The following CELF2 variants were observed in gnomAD, a reference collection of about 807,000 sequenced individuals.
CELF2 encodes CUGBP Elav-like family member 2.
Under a neutral mutation model 62.6 loss-of-function variants are expected in CELF2, and 8 were observed. The ratio of observed to expected loss-of-function variants is 0.13; its 90% CI spans 0.07 to 0.23. The LOEUF is 0.23. Ranked by LOEUF, CELF2 falls within the 10% of genes least tolerant of loss-of-function variation. The probability of loss-of-function intolerance (pLI) is 1.00; values close to 1 mark genes in which losing one functional copy is unlikely to be tolerated. For synonymous variants in CELF2, 258 were observed against 250.0 expected, an observed-to-expected ratio of 1.03 and a Z score of -0.30; for missense variants, 333 against 671.0, an observed-to-expected ratio of 0.50 and a Z score of 5.56.
upstream of CELF2, among the ~76,000 whole-genome samples, chr10:11,003,403 C>T (rs2054717413): frequency 6.6e-6 from 1 of 152,174 alleles, no homozygotes; most frequent in Non-Finnish European, 1.5e-5. This position sits in a 1 kb window ranked among gnomAD's most constrained non-coding sequence, Gnocchi z 4.4. Flanking sequence ...CCATTAGAAA[C>T]TGCATGGAAA....
At chr10:11,266,004 A>T (rs920828901) in intron 5 of CELF2, among the ~76,000 whole-genome samples, 1 of 152,240 alleles carries the variant, frequency 6.6e-6, no homozygotes, top group African/African-American at 2.4e-5. Context: ...ATAGTTTGCA[A>T]CAGACTTGGT....
At position 11,207,280 on chromosome 10, in the gene CELF2, A is replaced by T. The variant is rs1268551113; in HGVS notation, c.272-10145A>T. ...AAGAAAGAAACTCCATTTTCCTCGC[A>T]GAAAACAGGGAGCTTGCTAGTCTTC... On this transcript the variant is annotated intron_variant, in intron 2 of 12. Coordinates refer to ENST00000633077, the MANE Select transcript of CELF2 (RefSeq NM_001326342.2). This position sits in a 1 kb window ranked among gnomAD's most constrained non-coding sequence, Gnocchi z 4.1. Among the ~76,000 whole-genome samples the T allele has an allele frequency of 6.6e-6, 1 of 152,220 alleles. No homozygotes were observed. Among genetic ancestry groups the T allele is most frequent in the Non-Finnish European group, 1.5e-5 (1 of 68,032 alleles).
intron 1 of CELF2, among the ~76,000 whole-genome samples, chr10:11,101,008 G>C (rs1005822543): frequency 6.6e-6 from 1 of 152,186 alleles, no homozygotes; most frequent in East Asian, 1.9e-4. Flanking sequence ...AGACTTGACT[G>C]TTTCTAAAAT....
intron 1 of CELF2, among the ~76,000 whole-genome samples, chr10:11,042,389 TTGAA>T (rs1226308797): frequency 6.6e-6 from 1 of 152,216 alleles, no homozygotes; most frequent in Non-Finnish European, 1.5e-5. Flanking sequence ...ATACAGATGA[TTGAA>T]CGGTCTCTCT....
chr10:10,759,173 G>A, the CELF2 span, among the ~76,000 whole-genome samples: 1 of 152,108 alleles, frequency 6.6e-6, no homozygotes, highest in Non-Finnish European at 1.5e-5. Flanking sequence ...GCATAAGACT[G>A]TATGAAAGGA....
chr10:10,835,602 C>T (rs2058224740), intron 1 of CELF2, among the ~76,000 whole-genome samples: 1 of 152,132 alleles, frequency 6.6e-6, no homozygotes, highest in Non-Finnish European at 1.5e-5. Context: ...AGACTGGTCT[C>T]AAACTCCTGA....
At chr10:11,254,748 G>A (rs2078176213) in intron 4 of CELF2, among the ~76,000 whole-genome samples, 1 of 152,180 alleles carries the variant, frequency 6.6e-6, no homozygotes, top group Non-Finnish European at 1.5e-5. Context: ...AGATTGTTCA[G>A]GGTAAGAAGA....
chr10:11,130,432 G>A (rs2059444182), intron 1 of CELF2, among the ~76,000 whole-genome samples: 1 of 152,184 alleles, frequency 6.6e-6, no homozygotes. Flanking sequence ...CAGGATGGAA[G>A]TTTGGTTTCC....
intron 2 of CELF2, among the ~76,000 whole-genome samples, chr10:11,215,284 A>G (rs2063026411): frequency 6.6e-6 from 1 of 152,170 alleles, no homozygotes; most frequent in African/African-American, 2.4e-5. Flanking sequence ...AAAGCTCTCC[A>G]CAGCTGGCTC....
chr10:10,687,528 C>A, the CELF2 span, among the ~76,000 whole-genome samples: 3 of 152,128 alleles, frequency 2.0e-5, no homozygotes, highest in Non-Finnish European at 2.9e-5. Flanking sequence ...TGAATGGAGA[C>A]TTCCTTGAAT....
chr10:11,306,938 C>T lies in CELF2; in HGVS notation c.977-7201C>T, dbSNP rs2094259411. 6.6e-6 allele frequency among the ~76,000 whole-genome samples: 1 copy of T among 152,200 alleles called. No individual in the cohort carries two copies. The highest frequency in any genetic ancestry group is 6.5e-5 in the Admixed American group (1 of 15,282). On this transcript the variant is annotated intron_variant, in intron 9 of 12. Coordinates refer to ENST00000633077, the MANE Select transcript of CELF2 (RefSeq NM_001326342.2). This position sits in a 1 kb window ranked among gnomAD's most constrained non-coding sequence, Gnocchi z 4.4. ...AAAAGGGGCCCAGGGAGTTTCTAGGCCGCCTCCACCTCTCCTATGGCCCCC... is the reference window on the plus strand; with the variant it reads ...AAAAGGGGCCCAGGGAGTTTCTAGGTCGCCTCCACCTCTCCTATGGCCCCC...
At chr10:11,080,394 G>A (rs2073678067) in intron 1 of CELF2, among the ~76,000 whole-genome samples, 1 of 152,146 alleles carries the variant, frequency 6.6e-6, no homozygotes, top group Admixed American at 6.5e-5. Context: ...ATGAGCAAGT[G>A]GGCGAGTACA....
the CELF2 span, among the ~76,000 whole-genome samples, chr10:10,785,726 G>C: frequency 3.3e-5 from 5 of 152,078 alleles, no homozygotes; most frequent in African/African-American, 1.2e-4. Flanking sequence ...AGCATGGGAG[G>C]GATGGGGGAA....
intron 1 of CELF2, among the ~76,000 whole-genome samples, chr10:10,809,494 C>T (rs755996288): frequency 1.3e-5 from 2 of 152,204 alleles, no homozygotes; most frequent in African/African-American, 2.4e-5. Flanking sequence ...CATTCTGGAA[C>T]AACCAGTCAC....
At position 11,214,984 on chromosome 10, in the gene CELF2, G is replaced by A. The variant is rs919272833; in HGVS notation, c.272-2441G>A. Among the ~76,000 whole-genome samples the A allele has an allele frequency of 1.3e-5, 2 of 152,140 alleles. No homozygotes were observed. Among genetic ancestry groups the A allele is most frequent in the Non-Finnish European group, 2.9e-5 (2 of 68,026 alleles). On this transcript the variant is annotated intron_variant, in intron 2 of 12. Coordinates refer to ENST00000633077, the MANE Select transcript of CELF2 (RefSeq NM_001326342.2). The surrounding 1 kb of genome is among the most constrained non-coding windows in gnomAD (Gnocchi z 4.2). The stretch of plus-strand genomic sequence containing the variant: ...TTCACCTGCCATCCCACCCTGCTTA[G>A]ATACCAGCTTCAATCTGTCCGTTTC...
intron 2 of CELF2, among the ~76,000 whole-genome samples, chr10:11,198,995 C>G (rs1369223940): frequency 6.6e-6 from 1 of 152,148 alleles, no homozygotes; most frequent in Non-Finnish European, 1.5e-5. Context: ...TATTGCAGGG[C>G]AGTCCTGGCC....
chr10:10,628,179 C>T, the CELF2 span, among the ~76,000 whole-genome samples: 1 of 152,198 alleles, frequency 6.6e-6, no homozygotes, highest in African/African-American at 2.4e-5. Context: ...GCTGAGATTA[C>T]AGCCATGAGC....
At chr10:10,630,770 A>G in the CELF2 span, among the ~76,000 whole-genome samples, 1 of 152,214 alleles carries the variant, frequency 6.6e-6, no homozygotes, top group East Asian at 1.9e-4. Flanking sequence ...AGGGTCTGCA[A>G]TGCCTTGGAA....
the CELF2 span, among the ~76,000 whole-genome samples, chr10:10,623,039 T>C: frequency 7.7e-6 from 1 of 130,390 alleles, no homozygotes. Context: ...TGAGCCGAGA[T>C]TGCGCCACAG....
Sources: gnomAD v4.1 joint callset for allele counts (sites outside exome capture counted in the v4.1 genomes callset) on GRCh38, gnomAD v4.1.1 for gene constraint, Gnocchi (gnomAD v3.1) non-coding constraint, MANE v1.5 for transcripts, NCBI Gene and HGNC (gene_info 2026-07-23, HGNC 2026-07-21) for gene names.